ZFHX3: variants seen among roughly 807,000 people sequenced by gnomAD.
The protein encoded by ZFHX3 is zinc finger homeobox 3.
In ZFHX3, 42 loss-of-function variants were observed where a neutral mutation model predicts 279.1. That is an observed-to-expected ratio of 0.15 (90% CI 0.12 to 0.19). The LOEUF (loss-of-function observed/expected upper bound fraction) is 0.19. Among genes scored for constraint, ZFHX3 ranks in the 10% least tolerant of loss-of-function variants. The pLI is 1.00. For synonymous variants in ZFHX3, 2,293 were observed against 1,957.8 expected, an observed-to-expected ratio of 1.17 and a Z score of -4.52; for missense variants, 4,981 against 4,754.0, an observed-to-expected ratio of 1.05 and a Z score of -1.40.
rs148731082 is a variant in ZFHX3 at position 73,788,251 on chromosome 16, G to A, written c.-1608+103400C>T. ...CTCTCCTCCTGCCTTCCATTCTTCT[G>A]CTGAGCACTCTTATTGGACAAACCA... On this transcript the variant is annotated intron_variant, in intron 1 of 17. Coordinates refer to the ZFHX3 transcript ENST00000641206. Among the ~76,000 whole-genome samples the A allele has an allele frequency of 7.3e-4, 111 of 152,296 alleles. 1 individual carries two copies. The highest frequency in any genetic ancestry group is 2.3e-3 in the African/African-American group (97 of 41,562).
At chr16:73,292,162 G>A (rs1380483016) in intron 4 of ZFHX3, among the ~76,000 whole-genome samples, 3 of 152,172 alleles carry the variant, frequency 2.0e-5, no homozygotes, top group Admixed American at 1.3e-4. Flanking sequence ...GGGAAACACT[G>A]CCCATGTTAG....
At chr16:73,799,836 A>G (rs1449340426) in intron 1 of ZFHX3, among the ~76,000 whole-genome samples, 1 of 152,110 alleles carries the variant, frequency 6.6e-6, no homozygotes, top group Non-Finnish European at 1.5e-5. Context: ...AAGTCCCAAT[A>G]TTGACTTTTG....
chr16:73,847,885 G>A lies in ZFHX3; in HGVS notation c.-1608+43766C>T, dbSNP rs79533219. Among the ~76,000 whole-genome samples the A allele has an allele frequency of 1.7e-4, 25 of 147,298 alleles. No homozygotes were observed. The East Asian group carries it at 4.6e-3, about 27-fold the overall frequency. ...CCCGAGTAGCTGGGAGTACGGGCAC[G>A]TGCCACTATGCCTGGCTAGTTTTTT... On this transcript the variant is annotated intron_variant, in intron 1 of 17. Coordinates refer to the ZFHX3 transcript ENST00000641206.
chr16:73,881,956 C>T (rs1302923385), intron 1 of ZFHX3, among the ~76,000 whole-genome samples: 1 of 152,060 alleles, frequency 6.6e-6, no homozygotes, highest in Non-Finnish European at 1.5e-5. Flanking sequence ...AGAAAACGCT[C>T]GTGGAGTCTG....
intron 2 of ZFHX3, among the ~76,000 whole-genome samples, chr16:73,471,003 T>G (rs1218784508): frequency 6.6e-6 from 1 of 152,234 alleles, no homozygotes; most frequent in African/African-American, 2.4e-5. Context: ...TGGTTTGAGA[T>G]TGCTAAGGAT....
chr16:73,667,884 G>T (rs8055947), intron 2 of ZFHX3, among the ~76,000 whole-genome samples: 135,468 of 152,204 alleles, frequency 0.89, 60,343 homozygotes, highest in East Asian at 0.98. Context: ...TGTCCAAATC[G>T]CAGGTTTCCT....
At chr16:73,169,437 CT>C (rs1967467925) in intron 5 of ZFHX3, among the ~76,000 whole-genome samples, 1 of 152,104 alleles carries the variant, frequency 6.6e-6, no homozygotes, top group Non-Finnish European at 1.5e-5. Context: ...ACTTTCACTT[CT>C]GGGCAGTATC....
chr16:72,971,515 G>A (rs554770254), intron 1 of ZFHX3, among the ~76,000 whole-genome samples: 27 of 152,328 alleles, frequency 1.8e-4, no homozygotes, highest in African/African-American at 6.5e-4. Flanking sequence ...GCCTTTGAAA[G>A]TAGGTAAGCC....
chr16:73,298,543 G>A (rs1271437990), intron 4 of ZFHX3, among the ~76,000 whole-genome samples: 2 of 145,062 alleles, frequency 1.4e-5, no homozygotes, highest in East Asian at 4.5e-4. Context: ...AATTTTAAGA[G>A]AGACTGTTGT....
At chr16:73,385,282 T>A (rs1212118952) in intron 3 of ZFHX3, among the ~76,000 whole-genome samples, 2 of 152,106 alleles carry the variant, frequency 1.3e-5, no homozygotes, top group African/African-American at 2.4e-5. Flanking sequence ...GAAAAAAAAA[T>A]TCAGATAGGA....
At chr16:73,490,492 G>GTAACTCCAA (rs745753258) in intron 2 of ZFHX3, among the ~76,000 whole-genome samples, 4 of 152,134 alleles carry the variant, frequency 2.6e-5, no homozygotes, top group Non-Finnish European at 5.9e-5. Context: ...GCTATGTTAC[G>GTAACTCCAA]TAACTCCACC....
chr16:73,602,923 G>A (rs1170535901), intron 2 of ZFHX3, among the ~76,000 whole-genome samples: 1 of 128,162 alleles, frequency 7.8e-6, no homozygotes, highest in East Asian at 2.4e-4. Flanking sequence ...GGGTGAAACA[G>A]CGAGACTCTG....
chr16:73,417,767 T>C (rs1408052696), intron 3 of ZFHX3, among the ~76,000 whole-genome samples: 1 of 151,492 alleles, frequency 6.6e-6, no homozygotes, highest in African/African-American at 2.4e-5. Context: ...GGTTGGGATA[T>C]CGAGACCATC....
chr16:72,830,453 C>A (rs886226933), intron 4 of ZFHX3, among the ~76,000 whole-genome samples: 3 of 152,240 alleles, frequency 2.0e-5, no homozygotes, highest in African/African-American at 7.2e-5. Flanking sequence ...CAAATGGTAT[C>A]TTGTGAACAT....
intron 1 of ZFHX3, among the ~76,000 whole-genome samples, chr16:73,729,920 G>A (rs16972403): frequency 0.016 from 2,500 of 152,264 alleles, 61 homozygotes; most frequent in African/African-American, 0.057. Flanking sequence ...TAAAAAATAT[G>A]TACAGCTAAC....
At chr16:73,062,719 CA>C (rs34849067), upstream of ZFHX3, among the ~76,000 whole-genome samples, 101,327 of 143,122 alleles carry the variant, frequency 0.71, 35,563 homozygotes, top group East Asian at 0.88. Flanking sequence ...GACACAGAAG[CA>C]AAAAAAAAAA....
chr16:73,303,963 G>GAAA (rs201865011), intron 4 of ZFHX3, among the ~76,000 whole-genome samples: 37 of 76,120 alleles, frequency 4.9e-4, no homozygotes, highest in African/African-American at 1.3e-3. Flanking sequence ...ACCCTAGGTG[G>GAAA]AAAAAAAAAA....
At chr16:73,529,417 A>C (rs1402824530) in intron 2 of ZFHX3, among the ~76,000 whole-genome samples, 6 of 152,210 alleles carry the variant, frequency 3.9e-5, no homozygotes, top group African/African-American at 1.4e-4. Flanking sequence ...CACTCATGTG[A>C]TGTGTTCAAA....
intron 6 of ZFHX3, among the ~76,000 whole-genome samples, chr16:73,139,674 G>A (rs539428832): frequency 1.3e-5 from 2 of 152,180 alleles, no homozygotes; most frequent in African/African-American, 2.4e-5. Flanking sequence ...GGCTGCCGCC[G>A]TGATGCTCCA....
Sources: gnomAD v4.1 joint callset for allele counts (sites outside exome capture counted in the v4.1 genomes callset) on GRCh38, gnomAD v4.1.1 for gene constraint, MANE v1.5 for transcripts, NCBI Gene and HGNC (gene_info 2026-07-23, HGNC 2026-07-21) for gene names.